The following PASK variants were observed in gnomAD, a reference collection of about 807,000 sequenced individuals.
PASK encodes PAS domain-containing serine/threonine-protein kinase.
In PASK, 110 loss-of-function variants were observed where a neutral mutation model predicts 121.0. The ratio of observed to expected loss-of-function variants is 0.91; its 90% CI spans 0.78 to 1.06. The LOEUF is 1.06. PASK is among the 50% of genes least tolerant of loss of function. The pLI, the probability that PASK is intolerant of heterozygous loss-of-function variation, is 0.00. For synonymous variants in PASK, 686 were observed against 717.8 expected, an observed-to-expected ratio of 0.96 and a Z score of 0.71; for missense variants, 1,643 against 1,702.3, an observed-to-expected ratio of 0.97 and a Z score of 0.61.
intron 9 of PASK, among the ~76,000 whole-genome samples, chr2:241,131,826 C>T (rs185457880): frequency 2.3e-4 from 35 of 152,156 alleles, no homozygotes; most frequent in Non-Finnish European, 3.4e-4. Context: ...GAGGCCAAGG[C>T]GGGTGGACCA....
intron 14 of PASK, chr2:241,113,403 T>TATTTATATATACATACCTGC (rs2065188323): frequency 6.6e-6 from 1 of 151,848 alleles, no homozygotes; most frequent in Non-Finnish European, 1.5e-5. Flanking sequence ...CATACCTGCA[T>TATTTATATATACATACCTGC]ATTTATATAT....
At chr2:241,125,891 G>A (rs7599243) in intron 10 of PASK, among the ~76,000 whole-genome samples, 44,513 of 152,018 alleles carry the variant, frequency 0.29, 9,943 homozygotes, top group African/African-American at 0.63. Flanking sequence ...CTCCCGACGG[G>A]ATCTCCCCAG....
chr2:241,122,015 AAAC>A (rs1348230362), intron 12 of PASK, among the ~76,000 whole-genome samples: 33 of 152,120 alleles, frequency 2.2e-4, no homozygotes, highest in African/African-American at 8.0e-4. Flanking sequence ...ATTGGCAATT[AAAC>A]AACACACTTC....
At chr2:241,119,474 T>TTC (rs2065512938) in intron 12 of PASK, among the ~76,000 whole-genome samples, 1 of 149,478 alleles carries the variant, frequency 6.7e-6, no homozygotes, top group East Asian at 2.0e-4. Context: ...GCTTCTTTTT[T>TTC]TTTTTTTTTT....
chr2:241,132,527 T>TTAAAA (rs1486560170), intron 9 of PASK, among the ~76,000 whole-genome samples: 2 of 39,532 alleles, frequency 5.1e-5, no homozygotes, highest in African/African-American at 2.0e-4. Flanking sequence ...AGACTCTGTC[T>TTAAAA]AAAAAAAAAA....
At chr2:241,133,071 C>T in intron 8 of PASK, 41 bp from the exon 9 acceptor site, 1 of 1,603,750 alleles carries the variant, frequency 6.2e-7, no homozygotes. Context: ...TCTTCACAGG[C>T]ACTCCCTAAA....
intron 12 of PASK, among the ~76,000 whole-genome samples, chr2:241,117,661 C>T (rs904517080): frequency 1.3e-5 from 2 of 152,156 alleles, no homozygotes; most frequent in Non-Finnish European, 2.9e-5. Context: ...CTTTGAAAGA[C>T]AAAGATTTTA....
Position 241,139,835 on chromosome 2 carries a change from AC to A in PASK, c.600+49del, listed in dbSNP as rs1359372803. The A allele has an allele frequency of 5.1e-6, 8 of 1,577,936 alleles. No homozygotes were observed. The East Asian group carries it at 1.8e-4, about 35-fold the overall frequency. ...GGGAACACTGAGCTGTTCCTGCCACACACTGCTGGTCTTGAGGCCAGACTGA... is the reference window on the plus strand; with the variant it reads ...GGGAACACTGAGCTGTTCCTGCCACAACTGCTGGTCTTGAGGCCAGACTGA... On this transcript the variant is annotated intron_variant, in intron 4 of 17. Transcript: ENST00000234040.
intron 1 of PASK, among the ~76,000 whole-genome samples, chr2:241,143,363 AAC>A (rs1263100634): frequency 6.6e-6 from 1 of 152,138 alleles, no homozygotes. Flanking sequence ...CATCCTGACT[AAC>A]ACTGTGAAAC....
intron 1 of PASK, among the ~76,000 whole-genome samples, 185 bp from the exon 2 acceptor site, chr2:241,143,259 C>G (rs774050261): frequency 1.3e-5 from 2 of 152,264 alleles, no homozygotes; most frequent in African/African-American, 2.4e-5. Flanking sequence ...AAGCTCTTTC[C>G]GGGCCAGGCA....
At chr2:241,145,562 C>G (rs1166700113) in intron 1 of PASK, among the ~76,000 whole-genome samples, 2 of 151,846 alleles carry the variant, frequency 1.3e-5, no homozygotes, top group African/African-American at 4.8e-5. Flanking sequence ...ACAAAAAACT[C>G]TAGCTATAAA....
intron 12 of PASK, among the ~76,000 whole-genome samples, chr2:241,122,264 TAAGAG>T (rs1044070263): frequency 1.2e-4 from 19 of 152,256 alleles, no homozygotes; most frequent in Middle Eastern, 3.4e-3. Flanking sequence ...TTTTTTATAA[TAAGAG>T]AAAAGTCACA....
In PASK at chr2:241,126,899, T is replaced by C. The variant is rs2240542; in HGVS notation, c.2016A>G (p.Ala672=). The C allele has an allele frequency of 0.31, 507,328 of 1,613,386 alleles. 84,696 individuals carry two copies. Among genetic ancestry groups the C allele is most frequent in the African/African-American group, 0.6 (45,183 of 74,926 alleles). The stretch of plus-strand genomic sequence containing the variant: ...CGGCGTGGGGGACATCCAGGGCTCC[T>C]GCAAGGCTCAACTGGGACAGCTGCT... ...IKEQLSQLSL[A]GALDVPHAEL... is the part of the protein sequence containing the mutation. The change falls in exon 10 of 18, where the codon GCA becomes GCG. Residue 672 remains alanine, a synonymous_variant. Coordinates refer to ENST00000234040, the MANE Select transcript of PASK (RefSeq NM_015148.4).
At chr2:241,131,116 T>A (rs574524223) in intron 9 of PASK, among the ~76,000 whole-genome samples, 9 of 151,888 alleles carry the variant, frequency 5.9e-5, no homozygotes, top group Non-Finnish European at 1.2e-4. Context: ...CCATTATTCT[T>A]CTATAATTAA....
Position 241,115,048 on chromosome 2 carries a change from G to A in PASK, c.3328C>T (p.Arg1110Ter), listed in dbSNP as rs1286089009. 1.1e-5 allele frequency: 17 copies of A among 1,614,030 alleles called. No homozygotes were observed. The highest frequency in any genetic ancestry group is 2.7e-5 in the African/African-American group (2 of 74,910). The change falls in exon 14 of 18, where the codon CGA becomes TGA. Residue 1110 changes from arginine to a stop codon, truncating the protein, a stop_gained. Coordinates refer to ENST00000234040, the MANE Select transcript of PASK (RefSeq NM_015148.4). LOFTEE classifies it high-confidence loss of function. ...CGGCTCTGGCCTGCTCTCACTTGTC[G>A]GAAGATGTAGCTCGCCAGGGGCTCA... ...LDEPLASYIF[R>*]QLVSAVGYLR...
In PASK at chr2:241,137,092, G is replaced by A; in HGVS notation, c.1049C>T (p.Thr350Ile). The A allele has an allele frequency of 6.2e-7, 1 of 1,613,658 alleles. No homozygotes were observed. Among genetic ancestry groups the A allele is most frequent in the Non-Finnish European group, 8.5e-7 (1 of 1,179,868 alleles). Residue 350 changes from threonine (T) to isoleucine (I), a missense_variant, in exon 7 of 18, where the codon ACC becomes ATC. This residue lies in a region of PASK where 1,176 missense variants were observed against 1,162.2 expected (regional missense o/e 1.01). Transcript: ENST00000234040. ...GTGGATGGTCCCATCCGGCAGGAGG[G>A]TGATGAGGCCACTGATGGTGCAGAA... ...WVFCTISGLI[T>I]LLPDGTIHGI...
Position 241,112,385 on chromosome 2 carries a change from T to G in PASK, c.3388A>C (p.Lys1130Gln). Residue 1130 changes from lysine to glutamine, a missense_variant, in exon 15 of 18, where the codon AAG (lysine) becomes CAG (glutamine). This residue lies in a region of PASK where 453 missense variants were observed against 511.2 expected (regional missense o/e 0.89). Transcript: ENST00000234040. The surrounding 1 kb of genome is among the most constrained non-coding windows in gnomAD (Gnocchi z 5.2). Reference sequence around the variant, plus strand: ...TCGGCGATCACGATGTTCTCATCCTTGATGTCACGGTGGATGATGTCCTTC... The same window carrying G: ...TCGGCGATCACGATGTTCTCATCCTGGATGTCACGGTGGATGATGTCCTTC... ...RLKDIIHRDI[K>Q]DENIVIAEDF... The G allele has an allele frequency of 6.2e-7, 1 of 1,613,840 alleles. No homozygotes were observed. The highest frequency in any genetic ancestry group is 8.5e-7 in the Non-Finnish European group (1 of 1,179,794).
At chr2:241,128,005 C>T (rs557497001) in intron 9 of PASK, among the ~76,000 whole-genome samples, 51 of 152,362 alleles carry the variant, frequency 3.3e-4, no homozygotes, top group Admixed American at 9.8e-4. Flanking sequence ...GGGGGCCGGG[C>T]GTGGTGGCTC....
chr2:241,147,900 C>T (rs539778952), intron 1 of PASK, among the ~76,000 whole-genome samples: 2 of 152,186 alleles, frequency 1.3e-5, no homozygotes, highest in Non-Finnish European at 2.9e-5. Context: ...AAGATGCATC[C>T]TTTTTCCCGC....
Sources: allele counts gnomAD v4.1 joint callset (sites outside exome capture counted in the v4.1 genomes callset), GRCh38; gene constraint gnomAD v4.1.1; regional missense constraint gnomAD v4.1.1; non-coding constraint Gnocchi (gnomAD v3.1); transcripts MANE v1.5; gene names NCBI Gene and HGNC (gene_info 2026-07-23, HGNC 2026-07-21).